Variants in PDZRN3 observed in about 807,000 individuals in gnomAD.
The protein encoded by PDZRN3 is PDZ domain containing ring finger 3.
PDZRN3 carries 38 observed loss-of-function variants against 85.7 expected under a neutral mutation model. The observed-to-expected ratio is 0.44, with a 90% CI of 0.34 to 0.58. PDZRN3 has a LOEUF of 0.58. Among genes scored for constraint, PDZRN3 ranks in the 20% least tolerant of loss-of-function variants. The pLI, the probability that PDZRN3 is intolerant of heterozygous loss-of-function variation, is 0.01. For synonymous variants in PDZRN3, 759 were observed against 638.0 expected, an observed-to-expected ratio of 1.19 and a Z score of -2.86; for missense variants, 1,629 against 1,506.4, an observed-to-expected ratio of 1.08 and a Z score of -1.35.
intron 3 of PDZRN3, among the ~76,000 whole-genome samples, chr3:73,543,681 A>T (rs1391049343): frequency 6.6e-6 from 1 of 152,200 alleles, no homozygotes; most frequent in East Asian, 1.9e-4. Context: ...AAACTGGACC[A>T]ACTATTTAAC....
chr3:73,442,342 G>C (rs1212431199), intron 3 of PDZRN3, among the ~76,000 whole-genome samples: 2 of 152,202 alleles, frequency 1.3e-5, no homozygotes, highest in East Asian at 1.9e-4. Flanking sequence ...ATGTTTCAAA[G>C]TCCTAGGTAG....
At chr3:73,404,080 T>C in intron 4 of PDZRN3, 68 bp downstream of exon 4, 2 of 1,489,546 alleles carry the variant, frequency 1.3e-6, no homozygotes, top group Non-Finnish European at 1.8e-6. Context: ...TTTCACCACA[T>C]AGAAGAGAAA....
At chr3:73,508,525 T>G (rs1266417296) in intron 3 of PDZRN3, among the ~76,000 whole-genome samples, 2 of 152,126 alleles carry the variant, frequency 1.3e-5, no homozygotes, top group Non-Finnish European at 2.9e-5. Flanking sequence ...GTGCAGCTCC[T>G]CGGGCAGGAG....
rs920017268 is a variant in PDZRN3, at chr3:73,383,153, T to C, written c.*212A>G. ...TGCTATTTGAAAAAAGCTCTGTTTG[T>C]TAATATTGCCTTCCAAGATAGTAAG... On this transcript the variant is annotated 3_prime_UTR_variant, in exon 10 of 10. Coordinates refer to ENST00000263666, the MANE Select transcript of PDZRN3 (RefSeq NM_015009.3). The C allele has an allele frequency of 3.1e-5, 15 of 488,392 alleles. No individual in the cohort carries two copies. Among genetic ancestry groups the C allele is most frequent in the Non-Finnish European group, 5.0e-5 (14 of 281,152 alleles). 30.3% of individuals were successfully genotyped at this position (488,392 alleles called of 1,614,324 possible).
intron 3 of PDZRN3, among the ~76,000 whole-genome samples, chr3:73,575,286 A>G (rs2106857979): frequency 6.6e-6 from 1 of 152,256 alleles, no homozygotes; most frequent in Non-Finnish European, 1.5e-5. Flanking sequence ...AACCTGGAAG[A>G]GCCATCCTTG....
chr3:73,536,194 C>A (rs372494023), intron 3 of PDZRN3, among the ~76,000 whole-genome samples: 1 of 152,232 alleles, frequency 6.6e-6, no homozygotes, highest in Non-Finnish European at 1.5e-5. Context: ...TCTTTAATGA[C>A]TCCAAGGAAC....
At chr3:73,400,286 A>C (rs1041717742) in intron 5 of PDZRN3, among the ~76,000 whole-genome samples, 2 of 152,224 alleles carry the variant, frequency 1.3e-5, no homozygotes, top group Non-Finnish European at 2.9e-5. Context: ...TATCACCCTT[A>C]ATAAAAGGAA....
At chr3:73,436,103 C>T (rs941116579) in intron 3 of PDZRN3, among the ~76,000 whole-genome samples, 4 of 152,202 alleles carry the variant, frequency 2.6e-5, no homozygotes, top group Non-Finnish European at 5.9e-5. Flanking sequence ...TTAGAAAAGC[C>T]TTTGCCAGGT....
In PDZRN3 at chr3:73,549,835, C is replaced by T. The variant is rs375822844; in HGVS notation, c.918+52519G>A. ...AGGGAATTATTCACATCTTAAGCTACGTATCTCAGTAGAGCTGTACAATCC... is the reference window on the plus strand; with the variant it reads ...AGGGAATTATTCACATCTTAAGCTATGTATCTCAGTAGAGCTGTACAATCC... On this transcript the variant is annotated intron_variant, in intron 3 of 9. Coordinates refer to ENST00000263666, the MANE Select transcript of PDZRN3 (RefSeq NM_015009.3). Among the ~76,000 whole-genome samples, 18 of 152,310 alleles carry T rather than the reference C, an allele frequency of 1.2e-4. 1 individual carries two copies. The East Asian group carries it at 1.5e-3, about 13-fold the overall frequency.
At chr3:73,443,655 T>A (rs370038894) in intron 3 of PDZRN3, among the ~76,000 whole-genome samples, 77 of 151,824 alleles carry the variant, frequency 5.1e-4, no homozygotes, top group Admixed American at 1.8e-3. Context: ...CTGGCTATTT[T>A]TTTATTTATT....
intron 3 of PDZRN3, among the ~76,000 whole-genome samples, chr3:73,494,848 T>C (rs1264483370): frequency 2.0e-5 from 3 of 152,228 alleles, no homozygotes; most frequent in African/African-American, 7.2e-5. Flanking sequence ...TTCCACAGTA[T>C]AGAAGATATA....
chr3:73,546,765 G>A (rs192873667), intron 3 of PDZRN3, among the ~76,000 whole-genome samples: 38 of 152,336 alleles, frequency 2.5e-4, no homozygotes, highest in Admixed American at 1.4e-3. Context: ...CGCTGAAGCT[G>A]AGCAATGACT....
chr3:73,404,469 T>C, intron 3 of PDZRN3, 74 bp from the exon 4 acceptor site: 1 of 1,438,918 alleles, frequency 6.9e-7, no homozygotes. Context: ...ATGAATTGCC[T>C]GCTTTCATGT....
chr3:73,576,965 T>C (rs1158574657), intron 3 of PDZRN3, among the ~76,000 whole-genome samples: 1 of 152,204 alleles, frequency 6.6e-6, no homozygotes, highest in African/African-American at 2.4e-5. Flanking sequence ...TTAGCACTGA[T>C]TACAGGGTTG....
intron 2 of PDZRN3, among the ~76,000 whole-genome samples, chr3:73,606,374 G>A (rs774332103): frequency 5.9e-5 from 9 of 152,092 alleles, no homozygotes; most frequent in African/African-American, 7.2e-5. Context: ...TCTGAACCAC[G>A]GGCTCAAGTC....
chr3:73,588,200 T>C (rs1702305300), intron 3 of PDZRN3, among the ~76,000 whole-genome samples: 1 of 152,182 alleles, frequency 6.6e-6, no homozygotes, highest in Admixed American at 6.5e-5. Context: ...TTTCTGTTCC[T>C]GTGTTAGTTT....
At chr3:73,469,706 G>T (rs964453934) in intron 3 of PDZRN3, among the ~76,000 whole-genome samples, 10 of 151,170 alleles carry the variant, frequency 6.6e-5, no homozygotes, top group Admixed American at 2.0e-4. Context: ...AGCTGATGGG[G>T]TTTTTTTTTC....
chr3:73,579,260 C>T (rs1462369259), intron 3 of PDZRN3, among the ~76,000 whole-genome samples: 1 of 152,216 alleles, frequency 6.6e-6, no homozygotes, highest in African/African-American at 2.4e-5. Flanking sequence ...ATGAATATGT[C>T]AGCACCTTGA....
intron 3 of PDZRN3, among the ~76,000 whole-genome samples, chr3:73,452,109 G>C (rs547865269): frequency 1.3e-5 from 2 of 152,106 alleles, no homozygotes; most frequent in African/African-American, 4.8e-5. Flanking sequence ...GATATAGCTC[G>C]GGCCACAGCA....
Sources: allele counts gnomAD v4.1 joint callset (sites outside exome capture counted in the v4.1 genomes callset), GRCh38; gene constraint gnomAD v4.1.1; transcripts MANE v1.5; gene names NCBI Gene and HGNC (gene_info 2026-07-23, HGNC 2026-07-21).